Variants in KIF13A observed in about 807,000 individuals in gnomAD.
The protein encoded by KIF13A is kinesin family member 13A.
KIF13A carries 79 observed loss-of-function variants against 212.2 expected under a neutral mutation model. That is an observed-to-expected ratio of 0.37 (90% confidence interval 0.31 to 0.45). KIF13A has a LOEUF of 0.45. Among genes scored for constraint, KIF13A ranks in the 20% least tolerant of loss-of-function variants. The pLI, the probability that KIF13A is intolerant of heterozygous loss-of-function variation, is 1.00. For synonymous variants in KIF13A, 789 were observed against 808.6 expected, an observed-to-expected ratio of 0.98 and a Z score of 0.41; for missense variants, 1,901 against 2,209.0, an observed-to-expected ratio of 0.86 and a Z score of 2.79.
chr6:17,957,719 G>A (rs1324369371), intron 2 of KIF13A, among the ~76,000 whole-genome samples: 1 of 152,150 alleles, frequency 6.6e-6, no homozygotes, highest in Non-Finnish European at 1.5e-5. Flanking sequence ...ACTGCTTGTT[G>A]GTGGGGGAAA....
At chr6:17,873,588 T>C (rs1770222431) in intron 3 of KIF13A, 151 bp from the exon 4 acceptor site, 1 of 608,622 alleles carries the variant, frequency 1.6e-6, no homozygotes, top group Non-Finnish European at 2.8e-6. Flanking sequence ...TTGTTAACCA[T>C]AAAATTTCTT....
In KIF13A at chr6:17,872,644, A is replaced by T. The variant is rs753795483; in HGVS notation, c.220+733T>A. 4.0e-5 allele frequency among the ~76,000 whole-genome samples: 6 copies of T among 151,762 alleles called. No individual in the cohort carries two copies. The highest frequency in any genetic ancestry group is 1.3e-4 in the Admixed American group (2 of 15,198). ...CTTTCATTTGCCAGTTAGAAAAATA[A>T]TTTTTTTTTATTTTTTTGAGACAGA... On this transcript the variant is annotated intron_variant, in intron 4 of 38. Transcript: ENST00000259711. The surrounding 1 kb of genome is among the most constrained non-coding windows in gnomAD (Gnocchi z 4.7).
Position 17,915,654 on chromosome 6 carries a change from C to A in KIF13A, c.147-17474G>T, listed in dbSNP as rs1372860035. ...GTTTCAATGTCACATCGAGTTGAAT[C>A]ACCAGGACAGGAAAATTACAGTTCA... is the stretch of plus-strand genomic sequence containing the variant. On this transcript the variant is annotated intron_variant, in intron 2 of 38. Transcript: ENST00000259711. The surrounding 1 kb of genome is among the most constrained non-coding windows in gnomAD (Gnocchi z 4.4). Among the ~76,000 whole-genome samples, 1 of 152,036 alleles carries A rather than the reference C, an allele frequency of 6.6e-6. No individual in the cohort carries two copies. The highest frequency in any genetic ancestry group is 2.4e-5 in the African/African-American group (1 of 41,416).
At chr6:17,958,508 A>G (rs1188861361) in intron 2 of KIF13A, among the ~76,000 whole-genome samples, 3 of 152,216 alleles carry the variant, frequency 2.0e-5, no homozygotes, top group East Asian at 1.9e-4. Flanking sequence ...GGCTTATAAC[A>G]TTCGTTTAGA....
intron 3 of KIF13A, among the ~76,000 whole-genome samples, chr6:17,874,265 G>GTTTTTC: frequency 1.1e-5 from 1 of 92,130 alleles, no homozygotes; most frequent in Non-Finnish European, 2.4e-5. Context: ...AGCAAAGCAT[G>GTTTTTC]TTTTTGTTTT....
intron 3 of KIF13A, among the ~76,000 whole-genome samples, chr6:17,880,068 G>A (rs1314975579): frequency 6.6e-6 from 1 of 152,116 alleles, no homozygotes; most frequent in Non-Finnish European, 1.5e-5. Flanking sequence ...CCCAGCTCAA[G>A]CGATCCTCCC....
intron 25 of KIF13A, among the ~76,000 whole-genome samples, chr6:17,793,209 T>C (rs1241716492): frequency 6.6e-6 from 1 of 152,106 alleles, no homozygotes; most frequent in African/African-American, 2.4e-5. Flanking sequence ...GCCTCCTGAA[T>C]AGCTGAGATG....
intron 18 of KIF13A, 105 bp from the exon 19 acceptor site, chr6:17,805,720 A>C: frequency 1.0e-6 from 1 of 971,898 alleles, no homozygotes; most frequent in Non-Finnish European, 1.5e-6. Context: ...AAACACATAA[A>C]TGCATACAAA....
In KIF13A at chr6:17,785,417, AT is replaced by A; in HGVS notation, c.3488+97del. 1 of 1,346,382 alleles carries A rather than the reference AT, an allele frequency of 7.4e-7. No individual in the cohort carries two copies. The allele number at this position is 1,346,382 out of a possible 1,614,324, so 83.4% of individuals were successfully genotyped here. ...TCCCTAAGTAGTTCAGCTGGTTGGC[AT>A]TTTCTGTGACAATCCTGGAAAGTCT... On this transcript the variant is annotated intron_variant, in intron 28 of 38. Coordinates refer to ENST00000259711, the MANE Select transcript of KIF13A (RefSeq NM_022113.6). This position sits in a 1 kb window ranked among gnomAD's most constrained non-coding sequence, Gnocchi z 5.8.
chr6:17,821,552 G>GTGTGTGT lies in KIF13A; in HGVS notation c.1786+4215_1786+4216insACACACA, dbSNP rs1554172080. 7.6e-3 allele frequency among the ~76,000 whole-genome samples: 856 copies of GTGTGTGT among 112,090 alleles called. 18 individuals carry two copies. The highest frequency in any genetic ancestry group is 0.025 in the African/African-American group (829 of 32,988). The allele number at this position is 112,090 out of a possible 152,430, so 73.5% of individuals were successfully genotyped here. On this transcript the variant is annotated intron_variant, in intron 16 of 38. Coordinates refer to ENST00000259711, the MANE Select transcript of KIF13A (RefSeq NM_022113.6). ...TGGGAGGCAAATGGAATTGGGACAT[G>GTGTGTGT]GTGTGTGTGTGTGTGTGTGTGTGTG...
rs1207597520 is a variant in KIF13A, at chr6:17,883,719, G to C, written c.160-10282C>G. 6.6e-6 allele frequency among the ~76,000 whole-genome samples: 1 copy of C among 152,172 alleles called. No individual in the cohort carries two copies. Among genetic ancestry groups the C allele is most frequent in the African/African-American group, 2.4e-5 (1 of 41,432 alleles). On this transcript the variant is annotated intron_variant, in intron 3 of 38. Transcript: ENST00000259711. The surrounding 1 kb of genome is among the most constrained non-coding windows in gnomAD (Gnocchi z 4.8). The stretch of plus-strand genomic sequence containing the variant: ...TCCACCAATGATCAAGAAATCCTTT[G>C]GGTATATTGAACACAGTGAGATGTC...
rs375777969 is a variant in KIF13A, at chr6:17,854,833, A to G, written c.494+604T>C. 2.1e-4 allele frequency among the ~76,000 whole-genome samples: 32 copies of G among 152,188 alleles called. 1 individual carries two copies. The East Asian group carries it at 4.1e-3, about 19-fold the overall frequency. On this transcript the variant is annotated intron_variant, in intron 6 of 38. Transcript: ENST00000259711. Reference sequence around the variant, plus strand: ...CTCCCAAAGTGCTGGGATTACAGGTATGAGTCACTGTACCCGGCCCCAAAT... The same window carrying G: ...CTCCCAAAGTGCTGGGATTACAGGTGTGAGTCACTGTACCCGGCCCCAAAT...
intron 2 of KIF13A, among the ~76,000 whole-genome samples, chr6:17,972,295 C>A (rs1779871644): frequency 6.6e-6 from 1 of 152,162 alleles, no homozygotes; most frequent in African/African-American, 2.4e-5. Flanking sequence ...TTCCCTGTTA[C>A]AATTTGCATA....
At position 17,920,580 on chromosome 6, in the gene KIF13A, A is replaced by G. The variant is rs531325149; in HGVS notation, c.147-22400T>C. Among the ~76,000 whole-genome samples the G allele has an allele frequency of 1.6e-4, 24 of 152,300 alleles. No individual in the cohort carries two copies. In the South Asian group the frequency reaches 2.1e-3, roughly 13 times the overall value. ...TACCTATTCACTCTACTTTCATGTAAAAGTAATATGCGGCTGGGTGCGGTG... is the reference window on the plus strand; with the variant it reads ...TACCTATTCACTCTACTTTCATGTAGAAGTAATATGCGGCTGGGTGCGGTG... On this transcript the variant is annotated intron_variant, in intron 2 of 38. Coordinates refer to ENST00000259711, the MANE Select transcript of KIF13A (RefSeq NM_022113.6).
rs760850881 is a variant in KIF13A at position 17,826,021 on chromosome 6, G to A, written c.1619+17C>T. Reference sequence around the variant, plus strand: ...AAAATGTATACGAAAATATATTACAGAACACAAAGATGTTACCTAAAAAAG... The same window carrying A: ...AAAATGTATACGAAAATATATTACAAAACACAAAGATGTTACCTAAAAAAG... On this transcript the variant is annotated intron_variant, in intron 15 of 38. Transcript: ENST00000259711. The surrounding 1 kb of genome is among the most constrained non-coding windows in gnomAD (Gnocchi z 4.7). 5.6e-6 allele frequency: 9 copies of A among 1,611,712 alleles called. No homozygotes were observed. The highest frequency in any genetic ancestry group is 7.6e-6 in the Non-Finnish European group (9 of 1,178,032).
At chr6:17,966,141 C>T (rs1208065524) in intron 2 of KIF13A, among the ~76,000 whole-genome samples, 2 of 152,074 alleles carry the variant, frequency 1.3e-5, no homozygotes, top group East Asian at 1.9e-4. Context: ...TTGCAGTGAG[C>T]GAAGATTGTG....
intron 6 of KIF13A, among the ~76,000 whole-genome samples, chr6:17,853,012 T>C (rs1202512570): frequency 6.6e-6 from 1 of 152,196 alleles, no homozygotes; most frequent in Non-Finnish European, 1.5e-5. Flanking sequence ...GACCATATTG[T>C]GCACACCATC....
Position 17,874,044 on chromosome 6 carries a change from C to A in KIF13A, c.160-607G>T, listed in dbSNP as rs377541462. ...ACATCTGATGAGAAAACACAAAAAA[C>A]AAAAACAATATCTTCTCTCGCAAGT... On this transcript the variant is annotated intron_variant, in intron 3 of 38. Transcript: ENST00000259711. Among the ~76,000 whole-genome samples the A allele has an allele frequency of 6.6e-5, 10 of 152,158 alleles. No homozygotes were observed. The South Asian group carries it at 8.3e-4, about 13-fold the overall frequency.
chr6:17,975,164 T>C (rs1200416452), intron 2 of KIF13A, among the ~76,000 whole-genome samples: 1 of 152,040 alleles, frequency 6.6e-6, no homozygotes, highest in Non-Finnish European at 1.5e-5. Flanking sequence ...GCCAACATAG[T>C]GAAACCCTAT....
Sources: allele counts gnomAD v4.1 joint callset (sites outside exome capture counted in the v4.1 genomes callset), GRCh38; gene constraint gnomAD v4.1.1; non-coding constraint Gnocchi (gnomAD v3.1); transcripts MANE v1.5; gene names NCBI Gene and HGNC (gene_info 2026-07-23, HGNC 2026-07-21).